Variants in ANKRD13A observed in about 807,000 individuals in gnomAD.
The protein encoded by ANKRD13A is ankyrin repeat domain-containing protein 13A.
ANKRD13A carries 48 observed loss-of-function variants against 81.3 expected under a neutral mutation model. The ratio of observed to expected loss-of-function variants is 0.59; its 90% CI spans 0.47 to 0.75. ANKRD13A has a LOEUF of 0.75. Among genes scored for constraint, ANKRD13A ranks in the 30% least tolerant of loss-of-function variants. The pLI, the probability that ANKRD13A is intolerant of heterozygous loss-of-function variation, is 0.00. For missense variants in ANKRD13A, 612 were observed against 734.0 expected, an observed-to-expected ratio of 0.83 and a Z score of 1.92; for synonymous variants, 230 against 270.1, an observed-to-expected ratio of 0.85 and a Z score of 1.45.
At chr12:110,010,307 CATTTAGATTG>C (rs959114536) in intron 1 of ANKRD13A, among the ~76,000 whole-genome samples, 38 of 152,186 alleles carry the variant, frequency 2.5e-4, no homozygotes, top group African/African-American at 7.7e-4. Context: ...TAGCACCTTT[CATTTAGATTG>C]AATTTGTTAG....
Position 110,037,840 on chromosome 12 carries a change from T to C in ANKRD13A, c.*286T>C, listed in dbSNP as rs1052111530. On this transcript the variant is annotated 3_prime_UTR_variant, in exon 15 of 15. Transcript: ENST00000261739. ...ATTGGCTTGCAGGTCACATTTTTACTACCAGCTTTAGACAAAACCCCAATC... is the reference window on the plus strand; with the variant it reads ...ATTGGCTTGCAGGTCACATTTTTACCACCAGCTTTAGACAAAACCCCAATC... 2 of 256,946 alleles carry C rather than the reference T, an allele frequency of 7.8e-6. No individual in the cohort carries two copies. The highest frequency in any genetic ancestry group is 1.5e-5 in the Non-Finnish European group (2 of 134,548). The allele number at this position is 256,946 out of a possible 1,614,324, so 15.9% of individuals were successfully genotyped here.
At chr12:110,001,525 C>T (rs1334323112) in intron 1 of ANKRD13A, among the ~76,000 whole-genome samples, 3 of 151,206 alleles carry the variant, frequency 2.0e-5, no homozygotes, top group South Asian at 2.1e-4. Flanking sequence ...CTGCAACCTT[C>T]GCCTCCCGGG....
chr12:110,025,809 A>T lies in ANKRD13A; in HGVS notation c.869A>T (p.Lys290Ile). Residue 290 changes from lysine (K) to isoleucine (I), a missense_variant, in exon 8 of 15, where the codon AAA (lysine) becomes ATA (isoleucine). Physicochemically the swap from Lys to Ile is moderately radical, Grantham distance 102 (BLOSUM62 -3). Coordinates refer to ENST00000261739, the MANE Select transcript of ANKRD13A (RefSeq NM_033121.2). ...IRTEHLTEEE[K>I]KRYKADRNPL... ...ACAGAACATCTGACCGAGGAGGAAA[A>T]AAAGAGATATAAAGGTAATCACCAC... 1 of 1,613,896 alleles carries T rather than the reference A, an allele frequency of 6.2e-7. No individual in the cohort carries two copies. The highest frequency in any genetic ancestry group is 1.1e-5 in the South Asian group (1 of 91,038).
intron 6 of ANKRD13A, among the ~76,000 whole-genome samples, chr12:110,022,720 G>A (rs1166844973): frequency 1.3e-5 from 2 of 152,190 alleles, no homozygotes; most frequent in Non-Finnish European, 2.9e-5. Context: ...AGGCTATCTC[G>A]ATTTTCTGGT....
chr12:110,022,095 G>A (rs1891108058), intron 6 of ANKRD13A: 1 of 152,060 alleles, frequency 6.6e-6, no homozygotes, highest in Admixed American at 6.6e-5. Flanking sequence ...AGAGTTATTA[G>A]GAAATTAAAA....
At chr12:110,033,655 C>T in intron 12 of ANKRD13A, 142 bp from the exon 13 acceptor site, 2 of 740,322 alleles carry the variant, frequency 2.7e-6, no homozygotes, top group Non-Finnish European at 4.0e-6. Context: ...TGTCATGCTT[C>T]CTCAGAATCT....
chr12:110,029,391 G>A (rs1891545974), intron 10 of ANKRD13A, 87 bp from the exon 11 acceptor site: 6 of 1,422,750 alleles, frequency 4.2e-6, no homozygotes, highest in Non-Finnish European at 5.8e-6. Context: ...GAGTAAAGCT[G>A]CTGTTGTCTA....
At chr12:110,035,363 G>A (rs576650321) in intron 13 of ANKRD13A, among the ~76,000 whole-genome samples, 1 of 152,172 alleles carries the variant, frequency 6.6e-6, no homozygotes, top group East Asian at 1.9e-4. Context: ...CCAGCACTTT[G>A]GGAAGCCAAG....
Position 110,037,407 on chromosome 12 carries a change from C to G in ANKRD13A, c.1626C>G (p.Ser542Arg), listed in dbSNP as rs779353067. The change falls in exon 15 of 15, where the codon AGC (serine) becomes AGG (arginine). Residue 542 changes from serine to arginine, a missense_variant. Coordinates refer to ENST00000261739, the MANE Select transcript of ANKRD13A (RefSeq NM_033121.2). ...LLTSTEGLCP[S>R]ALSETSRFDN... ...CCAGCACAGAAGGCCTGTGCCCCAG[C>G]GCCCTGAGCGAGACAAGCCGTTTTG... 2.0e-5 allele frequency: 33 copies of G among 1,614,098 alleles called. No individual in the cohort carries two copies. The highest frequency in any genetic ancestry group is 2.7e-5 in the Non-Finnish European group (32 of 1,180,052).
At chr12:110,028,325 C>A in intron 9 of ANKRD13A, 187 bp from the exon 10 acceptor site, 2 of 524,068 alleles carry the variant, frequency 3.8e-6, no homozygotes, top group Non-Finnish European at 6.7e-6. Context: ...ATGAAGAAAT[C>A]CATTACACTT....
In ANKRD13A at chr12:110,037,365, C is replaced by G. The variant is rs1000830052; in HGVS notation, c.1584C>G (p.Ile528Met). The G allele has an allele frequency of 3.1e-6, 5 of 1,613,656 alleles. No individual in the cohort carries two copies. The highest frequency in any genetic ancestry group is 2.7e-5 in the African/African-American group (2 of 74,926). Residue 528 changes from isoleucine (I) to methionine (M), a missense_variant, in exon 15 of 15, where the codon ATC becomes ATG. Transcript: ENST00000261739. The stretch of plus-strand genomic sequence containing the variant: ...TATCTGTTTTCCAACCCAGGGCCAT[C>G]CAGGAGAGCCTCCTCACCAGCACAG... ...NTYDAQYERA[I>M]QESLLTSTEG...
intron 12 of ANKRD13A, among the ~76,000 whole-genome samples, chr12:110,031,339 AGT>A (rs1353424935): frequency 6.6e-6 from 1 of 151,926 alleles, no homozygotes; most frequent in East Asian, 1.9e-4. Flanking sequence ...TCTCATTTTA[AGT>A]GTGATGGTTC....
In ANKRD13A at chr12:110,036,342, G is replaced by T; in HGVS notation, c.1577+14G>T. 6.2e-7 allele frequency: 1 copy of T among 1,613,366 alleles called. No individual in the cohort carries two copies. Among genetic ancestry groups the T allele is most frequent in the Non-Finnish European group, 8.5e-7 (1 of 1,179,428 alleles). The stretch of plus-strand genomic sequence containing the variant: ...CCAGTATGAGAGGTGATTGACTGAC[G>T]TGACTCTGGAATAAACCAGGGTGAA... On this transcript the variant is annotated intron_variant, in intron 14 of 14. Transcript: ENST00000261739. This position sits in a 1 kb window ranked among gnomAD's most constrained non-coding sequence, Gnocchi z 4.6.
At position 110,012,038 on chromosome 12, in the gene ANKRD13A, T is replaced by C. The variant is rs1423219011; in HGVS notation, c.130T>C (p.Leu44=). The C allele has an allele frequency of 6.2e-7, 1 of 1,612,600 alleles. No homozygotes were observed. Among genetic ancestry groups the C allele is most frequent in the Non-Finnish European group, 8.5e-7 (1 of 1,178,654 alleles). Residue 44 remains leucine, a synonymous_variant, in exon 2 of 15, where the codon TTA becomes CTA. Transcript: ENST00000261739. ...VEAVDPRGRT[L]LHLAVSLGHL... ...GGCTGTGGACCCACGAGGTCGAACA[T>C]TATTGCATCTTGCTGTTTCCTTGGG...
In ANKRD13A at chr12:110,018,616, T is replaced by A; in HGVS notation, c.544+128T>A. 9.0e-7 allele frequency: 1 copy of A among 1,113,452 alleles called. No homozygotes were observed. 69.0% of individuals were successfully genotyped at this position (1,113,452 alleles called of 1,614,324 possible). ...TTCCTAGGGCATGTTTTTTTGGTTA[T>A]TCTTATTAATTATTCAGCTCTCCAT... On this transcript the variant is annotated intron_variant, in intron 5 of 14. Coordinates refer to ENST00000261739, the MANE Select transcript of ANKRD13A (RefSeq NM_033121.2). The surrounding 1 kb of genome is among the most constrained non-coding windows in gnomAD (Gnocchi z 4.4).
rs1843209171 is a variant in ANKRD13A at position 110,007,908 on chromosome 12, A to G, written c.97-4097A>G. Among the ~76,000 whole-genome samples, 10 of 152,318 alleles carry G rather than the reference A, an allele frequency of 6.6e-5. No homozygotes were observed. The South Asian group carries it at 2.1e-3, about 32-fold the overall frequency. ...CTTGCTGAACTCATTTAATAGTTCT[A>G]ATAGTTTTTTGGTGGATTCCTTAGG... On this transcript the variant is annotated intron_variant, in intron 1 of 14. Coordinates refer to ENST00000261739, the MANE Select transcript of ANKRD13A (RefSeq NM_033121.2).
intron 1 of ANKRD13A, among the ~76,000 whole-genome samples, chr12:110,000,249 CTG>C (rs956509926): frequency 1.3e-5 from 2 of 152,194 alleles, no homozygotes; most frequent in African/African-American, 4.8e-5. Flanking sequence ...CTAACTCGCC[CTG>C]TGACCTTGGG....
intron 13 of ANKRD13A, among the ~76,000 whole-genome samples, chr12:110,034,209 G>A (rs898313782): frequency 2.0e-5 from 3 of 152,072 alleles, no homozygotes; most frequent in Admixed American, 6.5e-5. Flanking sequence ...TCATATTCAC[G>A]CACATAGCTT....
rs1489450970 is a variant in ANKRD13A, at chr12:110,024,014, T to C, written c.735-32T>C. 6 of 1,597,900 alleles carry C rather than the reference T, an allele frequency of 3.8e-6. No homozygotes were observed. In the African/African-American group the frequency reaches 8.1e-5, roughly 21 times the overall value. On this transcript the variant is annotated intron_variant, in intron 6 of 14. Transcript: ENST00000261739. Reference sequence around the variant, plus strand: ...ATAAATCTGAATGGCATATTGTACATGTAGAAATTTGTGGTGTTCACTTTT... The same window carrying C: ...ATAAATCTGAATGGCATATTGTACACGTAGAAATTTGTGGTGTTCACTTTT...
Sources: allele counts gnomAD v4.1 joint callset (sites outside exome capture counted in the v4.1 genomes callset), GRCh38; gene constraint gnomAD v4.1.1; non-coding constraint Gnocchi (gnomAD v3.1); transcripts MANE v1.5; gene names NCBI Gene and HGNC (gene_info 2026-07-23, HGNC 2026-07-21).